Variants in SYT3 observed in about 807,000 individuals in gnomAD.
SYT3 encodes the protein synaptotagmin-3.
SYT3 carries 25 observed loss-of-function variants against 50.6 expected under a neutral mutation model. The ratio of observed to expected loss-of-function variants is 0.49; its 90% CI spans 0.36 to 0.69. The LOEUF (loss-of-function observed/expected upper bound fraction) is 0.69, where lower values mean the gene tolerates loss of function less well. SYT3 is among the 30% of genes least tolerant of loss of function. The pLI is 0.00. For synonymous variants in SYT3, 323 were observed against 353.9 expected (o/e 0.91, Z 0.98); for missense variants, 589 against 793.6 (o/e 0.74, Z 3.10).
In SYT3 at chr19:50,632,506, C is replaced by A; in HGVS notation, c.454G>T (p.Gly152Trp). The change falls in exon 4 of 11, where the codon GGG becomes TGG. Residue 152 changes from glycine to tryptophan, a missense_variant. Coordinates refer to ENST00000600079, the MANE Select transcript of SYT3 (RefSeq NM_001160329.2). The surrounding 1 kb of genome is among the most constrained non-coding windows in gnomAD (Gnocchi z 4.7). Reference protein sequence around the residue: ...FAELLEPGSLGGSDTPEPSYL... With the variant: ...FAELLEPGSLWGSDTPEPSYL... ...GAGGGCTCAGGGGTGTCAGAACCCC[C>A]CAGGCTGCCTGGCTCCAGCAGCTCA... The A allele has an allele frequency of 1.2e-6, 2 of 1,611,376 alleles. No individual in the cohort carries two copies. Among genetic ancestry groups the A allele is most frequent in the Non-Finnish European group, 1.7e-6 (2 of 1,179,190 alleles).
intron 6 of SYT3, among the ~76,000 whole-genome samples, chr19:50,626,728 CA>C (rs1984083242): frequency 7.1e-6 from 1 of 140,730 alleles, no homozygotes; most frequent in Admixed American, 7.1e-5. Context: ...AGCCCAGAGA[CA>C]GGGGGTACAG....
the SYT3 span, among the ~76,000 whole-genome samples, chr19:50,646,602 T>TA: frequency 6.6e-6 from 1 of 151,730 alleles, no homozygotes; most frequent in Non-Finnish European, 1.5e-5. Flanking sequence ...AAGGAGCAGA[T>TA]AAAAAAACAG....
rs1220287850 is a variant in SYT3, at chr19:50,625,887, G to GTGA, written c.1402+9_1402+10insTCA. 1 of 1,612,216 alleles carries GTGA rather than the reference G, an allele frequency of 6.2e-7. No individual in the cohort carries two copies. Among genetic ancestry groups the GTGA allele is most frequent in the Non-Finnish European group, 8.5e-7 (1 of 1,179,324 alleles). ...CCCCAGCCCTCCTCCCTCAGACCCA[G>GTGA]GACCCTCACCTGAGAAGCCAGTGAG... On this transcript the variant is annotated intron_variant, in intron 7 of 10. Transcript: ENST00000600079. This position sits in a 1 kb window ranked among gnomAD's most constrained non-coding sequence, Gnocchi z 7.5.
chr19:50,649,208 A>G, the SYT3 span, among the ~76,000 whole-genome samples: 1 of 151,734 alleles, frequency 6.6e-6, no homozygotes, highest in Non-Finnish European at 1.5e-5. Context: ...ACAGAGAGAG[A>G]TAGGAGGAAA....
At chr19:50,654,693 A>T in the SYT3 span, among the ~76,000 whole-genome samples, 1 of 150,392 alleles carries the variant, frequency 6.6e-6, no homozygotes, top group African/African-American at 2.5e-5. Context: ...GCATTGGTAC[A>T]ATCATGGCTC....
At chr19:50,657,130 C>T in the SYT3 span, among the ~76,000 whole-genome samples, 67,137 of 151,804 alleles carry the variant, frequency 0.44, 18,103 homozygotes, top group African/African-American at 0.77. Context: ...AGGCACTCAA[C>T]AATTGACTGA....
chr19:50,651,835 T>G, the SYT3 span, among the ~76,000 whole-genome samples: 4 of 152,238 alleles, frequency 2.6e-5, no homozygotes, highest in African/African-American at 9.6e-5. Context: ...TTTACATATA[T>G]TAAAATCACT....
At chr19:50,656,988 GA>G in the SYT3 span, among the ~76,000 whole-genome samples, 1 of 148,224 alleles carries the variant, frequency 6.7e-6, no homozygotes, top group African/African-American at 2.6e-5. Context: ...AAGAAGGAAG[GA>G]AGGAAGGGAG....
intron 2 of SYT3, chr19:50,638,028 C>T (rs1363431949): frequency 2.0e-5 from 3 of 152,494 alleles, no homozygotes; most frequent in African/African-American, 4.8e-5. Flanking sequence ...CACAATCCAA[C>T]GAGAGGAGAC....
the SYT3 span, among the ~76,000 whole-genome samples, chr19:50,653,905 G>A: frequency 6.6e-6 from 1 of 152,122 alleles, no homozygotes; most frequent in Admixed American, 6.5e-5. Flanking sequence ...TTGGGAACCA[G>A]GAGGGGTAGA....
At chr19:50,626,312 T>C (rs1471169149) in intron 6 of SYT3, among the ~76,000 whole-genome samples, 2 of 148,940 alleles carry the variant, frequency 1.3e-5, no homozygotes, top group Admixed American at 1.3e-4. Flanking sequence ...CAAAGAGAAA[T>C]AGACTGAGAC....
chr19:50,632,640 G>A lies in SYT3; in HGVS notation c.320C>T (p.Ala107Val), dbSNP rs1296927555. The change falls in exon 4 of 11, where the codon GCA becomes GTA. Residue 107 changes from alanine (A) to valine (V), a missense_variant. Physicochemically the swap from Ala to Val is moderately conservative, Grantham distance 64 (BLOSUM62 0). This residue lies in a region of SYT3 where 316 missense variants were observed against 354.3 expected (regional missense o/e 0.89). Coordinates refer to ENST00000600079, the MANE Select transcript of SYT3 (RefSeq NM_001160329.2). The surrounding 1 kb of genome is among the most constrained non-coding windows in gnomAD (Gnocchi z 4.7). The part of the protein sequence containing the change: ...RKDLGPGVGL[A>V]GLVGGGGHHL... ...GTGCCCGCCTCCGCCTACCAGGCCT[G>A]CCAGCCCGACACCAGGGCCTAGGTC... 1 of 1,582,886 alleles carries A rather than the reference G, an allele frequency of 6.3e-7. No individual in the cohort carries two copies. The highest frequency in any genetic ancestry group is 2.3e-5 in the East Asian group (1 of 44,336).
chr19:50,649,214 G>A, the SYT3 span, among the ~76,000 whole-genome samples: 7 of 151,964 alleles, frequency 4.6e-5, no homozygotes, highest in East Asian at 1.4e-3. Context: ...AGAGATAGGA[G>A]GAAAAACAGG....
chr19:50,622,450 G>A lies in SYT3; in HGVS notation c.*35C>T, dbSNP rs975697801. The A allele has an allele frequency of 7.7e-6, 3 of 387,734 alleles. No homozygotes were observed. The highest frequency in any genetic ancestry group is 1.5e-5 in the Non-Finnish European group (3 of 204,450). The allele number at this position is 387,734 out of a possible 1,614,324, so 24.0% of individuals were successfully genotyped here. A position where few individuals can be genotyped will look rare whatever the true frequency, so the allele number is the denominator to read the frequency against. On this transcript the variant is annotated 3_prime_UTR_variant, in exon 11 of 11. Transcript: ENST00000600079. ...GGCAGGAAAGGATGGGGTCCTGAGG[G>A]AGCCTGGTCCGATCCCGGGCCTAGG...
Position 50,625,173 on chromosome 19 carries a change from G to T in SYT3, c.1696C>A (p.Gln566Lys). The change falls in exon 9 of 11, where the codon CAG becomes AAG. Residue 566 changes from glutamine (Q) to lysine (K), a missense_variant. Gln to Lys is a moderately conservative substitution (Grantham distance 53, BLOSUM62 1). Around this residue, in one of 2 missense-constraint regions of SYT3, gnomAD observed 273 missense variants for 439.3 expected, o/e 0.62. Transcript: ENST00000600079. The surrounding 1 kb of genome is among the most constrained non-coding windows in gnomAD (Gnocchi z 7.5). The part of the protein sequence containing the change: ...NPRKPVEHWH[Q>K]LVEEKTVTSF... ...GGACCCCTACTCACCTCCACTAGCT[G>T]ATGCCAGTGCTCCACGGGCTTGCGG... is the stretch of plus-strand genomic sequence containing the variant. 6.3e-7 allele frequency: 1 copy of T among 1,599,316 alleles called. No individual in the cohort carries two copies.
rs1357180958 is a variant in SYT3 at position 50,625,010 on chromosome 19, C to G, written c.1707+152G>C. On this transcript the variant is annotated intron_variant, in intron 9 of 10. Coordinates refer to ENST00000600079, the MANE Select transcript of SYT3 (RefSeq NM_001160329.2). This position sits in a 1 kb window ranked among gnomAD's most constrained non-coding sequence, Gnocchi z 7.5. ...GCACAGAGCGCTTGGGTAACTGGCT[C>G]TAAGCCGCACAGCTAAAGTTGGCAC... 3 of 802,512 alleles carry G rather than the reference C, an allele frequency of 3.7e-6. No homozygotes were observed. The highest frequency in any genetic ancestry group is 7.5e-5 in the Admixed American group (2 of 26,632). The allele number at this position is 802,512 out of a possible 1,614,324, so 49.7% of individuals were successfully genotyped here. A position where few individuals can be genotyped will look rare whatever the true frequency, so the allele number is the denominator to read the frequency against.
Position 50,625,767 on chromosome 19 carries a change from C to T in SYT3, c.1402+130G>A, listed in dbSNP as rs2122998888. On this transcript the variant is annotated intron_variant, in intron 7 of 10. Transcript: ENST00000600079. The surrounding 1 kb of genome is among the most constrained non-coding windows in gnomAD (Gnocchi z 7.5). ...AGTCCAGGCCCCTGGCCCCTCCTCC[C>T]TCAGACCCAGGAGTCCAGATCCCCA... 2.6e-6 allele frequency: 2 copies of T among 776,432 alleles called. No individual in the cohort carries two copies. Among genetic ancestry groups the T allele is most frequent in the East Asian group, 2.6e-5 (1 of 37,806 alleles). 48.1% of individuals were successfully genotyped at this position (776,432 alleles called of 1,614,324 possible). A position where few individuals can be genotyped will look rare whatever the true frequency, so the allele number is the denominator to read the frequency against.
the SYT3 span, among the ~76,000 whole-genome samples, chr19:50,654,590 C>T: frequency 1.3e-5 from 2 of 151,816 alleles, no homozygotes; most frequent in Non-Finnish European, 2.9e-5. Context: ...AGCCACTGCA[C>T]CAGGCTCCGT....
chr19:50,629,763 G>A, intron 5 of SYT3, 21 bp downstream of exon 5: 1 of 1,596,584 alleles, frequency 6.3e-7, no homozygotes, highest in South Asian at 1.1e-5. Context: ...GGAACCCGGT[G>A]TCCAGCCCGC....
Sources: allele counts gnomAD v4.1 joint callset (sites outside exome capture counted in the v4.1 genomes callset), GRCh38; gene constraint gnomAD v4.1.1; regional missense constraint gnomAD v4.1.1; non-coding constraint Gnocchi (gnomAD v3.1); transcripts MANE v1.5; gene names NCBI Gene and HGNC (gene_info 2026-07-23, HGNC 2026-07-21).